Variants in NAV3 observed in about 807,000 individuals in gnomAD.
The protein encoded by NAV3 is pore membrane and/or filament interacting like protein 1.
In NAV3, 87 loss-of-function variants were observed where a neutral mutation model predicts 244.7. The ratio of observed to expected loss-of-function variants is 0.36; its 90% CI spans 0.30 to 0.42. The LOEUF (loss-of-function observed/expected upper bound fraction) is 0.42, where lower values mean the gene tolerates loss of function less well. Among genes scored for constraint, NAV3 ranks in the 20% least tolerant of loss-of-function variants. The pLI is 1.00. For synonymous variants in NAV3, 1,126 were observed against 1,042.2 expected (o/e 1.08, Z -1.55); for missense variants, 2,663 against 2,893.3 (o/e 0.92, Z 1.83).
Position 77,758,912 on chromosome 12 carries a change from C to T in NAV3, c.73-181407C>T, listed in dbSNP as rs557272679. Among the ~76,000 whole-genome samples the T allele has an allele frequency of 5.9e-4, 90 of 152,214 alleles. 1 individual carries two copies. Among genetic ancestry groups the T allele is most frequent in the African/African-American group, 2.2e-3 (90 of 41,548 alleles). On this transcript the variant is annotated intron_variant, in intron 2 of 8. Coordinates refer to the NAV3 transcript ENST00000550042. ...AAGAGGCTAGGATTTTTCATTTAAG[C>T]CAAAGCATCATTTCAATATGTTCTT...
At chr12:77,912,874 A>G (rs1277793430) in intron 1 of NAV3, among the ~76,000 whole-genome samples, 1 of 152,140 alleles carries the variant, frequency 6.6e-6, no homozygotes, top group African/African-American at 2.4e-5. Context: ...GGCCTCCCAA[A>G]GTGCTGGGAT....
At chr12:78,082,900 C>A (rs1483720714) in intron 12 of NAV3, among the ~76,000 whole-genome samples, 1 of 152,134 alleles carries the variant, frequency 6.6e-6, no homozygotes, top group South Asian at 2.1e-4. Flanking sequence ...AGTCCTTGTA[C>A]ACATTCTTTT....
At chr12:77,746,688 A>T (rs1348618436) in intron 2 of NAV3, among the ~76,000 whole-genome samples, 1 of 152,156 alleles carries the variant, frequency 6.6e-6, no homozygotes, top group Admixed American at 6.6e-5. Flanking sequence ...ACTGATAAAA[A>T]GTGACACAAT....
intron 24 of NAV3, among the ~76,000 whole-genome samples, chr12:78,173,278 A>G (rs895473848): frequency 6.6e-6 from 1 of 151,612 alleles, no homozygotes; most frequent in Non-Finnish European, 1.5e-5. Context: ...TTTATTGGTG[A>G]ATGCAGTCAT....
At chr12:77,781,838 G>A (rs149902698) in intron 2 of NAV3, among the ~76,000 whole-genome samples, 36 of 152,254 alleles carry the variant, frequency 2.4e-4, no homozygotes, top group South Asian at 2.1e-3. Context: ...AAGAGAGAAA[G>A]AGAAGAGAGA....
At chr12:77,937,419 T>G (rs1889428325) in intron 1 of NAV3, among the ~76,000 whole-genome samples, 2 of 152,242 alleles carry the variant, frequency 1.3e-5, no homozygotes, top group Admixed American at 1.3e-4. Flanking sequence ...GGATAAAGGC[T>G]AAGGAACTGT....
intron 1 of NAV3, among the ~76,000 whole-genome samples, chr12:77,843,978 T>G (rs988384085): frequency 1.5e-4 from 23 of 152,232 alleles, no homozygotes; most frequent in Non-Finnish European, 3.4e-4. Flanking sequence ...AAATTTTTGC[T>G]GTGCAATTCT....
chr12:77,796,155 G>C lies in NAV3; in HGVS notation c.73-144164G>C, dbSNP rs549612980. ...AAGCAAAGTAAATAAAAAACCTTCT[G>C]GAAAAAAATTGCCATTCTAGATGCC... On this transcript the variant is annotated intron_variant, in intron 2 of 8. Coordinates refer to the NAV3 transcript ENST00000550042. Among the ~76,000 whole-genome samples the C allele has an allele frequency of 2.0e-5, 3 of 152,146 alleles. No individual in the cohort carries two copies. In the East Asian group the frequency reaches 5.8e-4, roughly 29 times the overall value.
chr12:78,087,172 G>T (rs1285682602), intron 12 of NAV3, among the ~76,000 whole-genome samples: 1 of 151,928 alleles, frequency 6.6e-6, no homozygotes, highest in Non-Finnish European at 1.5e-5. Flanking sequence ...TTCAGGTCTG[G>T]CAGTGATTTT....
rs115382421 is a variant in NAV3 at position 77,594,464 on chromosome 12, A to G, written c.72+22198A>G. ...GAGTGGACAGAAATACTGTACACTAATTGATTTTGTTGAACATCTGGCAGA... is the reference window on the plus strand; with the variant it reads ...GAGTGGACAGAAATACTGTACACTAGTTGATTTTGTTGAACATCTGGCAGA... On this transcript the variant is annotated intron_variant, in intron 2 of 8. Transcript: ENST00000550042. 3.1e-3 allele frequency among the ~76,000 whole-genome samples: 479 copies of G among 152,310 alleles called. 3 individuals are homozygous for G. The highest frequency in any genetic ancestry group is 0.011 in the African/African-American group (462 of 41,568).
At chr12:78,101,785 C>T (rs1357303261) in intron 12 of NAV3, among the ~76,000 whole-genome samples, 1 of 152,046 alleles carries the variant, frequency 6.6e-6, no homozygotes, top group Non-Finnish European at 1.5e-5. Context: ...TGGTTTTGTG[C>T]TCATTTAGCT....
At chr12:78,163,467 C>T (rs1459509101) in intron 23 of NAV3, among the ~76,000 whole-genome samples, 1 of 151,960 alleles carries the variant, frequency 6.6e-6, no homozygotes, top group Non-Finnish European at 1.5e-5. Context: ...GAAACATCTG[C>T]AGAGGCAGGA....
intron 31 of NAV3, 22 bp downstream of exon 31, chr12:78,185,720 C>G (rs1056052006): frequency 1.5e-5 from 24 of 1,572,824 alleles, no homozygotes; most frequent in Non-Finnish European, 1.8e-5. Flanking sequence ...ATCTTAAACT[C>G]TTTATTACTA....
intron 11 of NAV3, among the ~76,000 whole-genome samples, chr12:78,054,254 T>G (rs2137317681): frequency 6.6e-6 from 1 of 152,282 alleles, no homozygotes; most frequent in South Asian, 2.1e-4. Flanking sequence ...TTCAGTAAAC[T>G]TGCATAAAAT....
intron 2 of NAV3, among the ~76,000 whole-genome samples, chr12:77,770,723 A>G (rs1258654812): frequency 6.6e-6 from 1 of 152,230 alleles, no homozygotes; most frequent in Non-Finnish European, 1.5e-5. Flanking sequence ...TAGAAAGCTG[A>G]AACTGGATCC....
intron 1 of NAV3, among the ~76,000 whole-genome samples, chr12:77,875,678 G>T (rs1881747972): frequency 6.6e-6 from 1 of 151,908 alleles, no homozygotes. Flanking sequence ...CTGCTCATAT[G>T]ATTTATATAT....
At chr12:77,924,778 T>C in intron 1 of NAV3, among the ~76,000 whole-genome samples, 1 of 152,134 alleles carries the variant, frequency 6.6e-6, no homozygotes, top group South Asian at 2.1e-4. Context: ...TTACTACACA[T>C]TTGTTTGGGG....
intron 2 of NAV3, among the ~76,000 whole-genome samples, chr12:77,628,512 T>A (rs2136906597): frequency 6.6e-6 from 1 of 152,340 alleles, no homozygotes; most frequent in East Asian, 1.9e-4. Flanking sequence ...TATGTGAATT[T>A]TTCAATAGTA....
chr12:77,974,701 C>T (rs1452654129), intron 5 of NAV3, among the ~76,000 whole-genome samples: 2 of 152,152 alleles, frequency 1.3e-5, no homozygotes, highest in African/African-American at 4.8e-5. Context: ...GTCCTGCTTG[C>T]CAATTCCCAG....
Sources: allele counts gnomAD v4.1 joint callset (sites outside exome capture counted in the v4.1 genomes callset), GRCh38; gene constraint gnomAD v4.1.1; transcripts MANE v1.5; gene names NCBI Gene and HGNC (gene_info 2026-07-23, HGNC 2026-07-21).